The following LAMA1 variants were observed in gnomAD, a reference collection of about 807,000 sequenced individuals.
LAMA1 encodes the protein laminin subunit alpha 1.
Under a neutral mutation model 348.7 loss-of-function variants are expected in LAMA1, and 219 were observed. That is an observed-to-expected ratio of 0.63 (90% CI 0.56 to 0.70). LAMA1 has a LOEUF of 0.70. Among genes scored for constraint, LAMA1 ranks in the 30% least tolerant of loss-of-function variants. The pLI is 0.00. For synonymous variants in LAMA1, 1,487 were observed against 1,491.0 expected, an observed-to-expected ratio of 1.00 and a Z score of 0.06; for missense variants, 3,744 against 3,888.0, an observed-to-expected ratio of 0.96 and a Z score of 0.99.
chr18:6,964,532 G>T, intron 51 of LAMA1, 130 bp downstream of exon 51: 1 of 1,129,928 alleles, frequency 8.9e-7, no homozygotes, highest in Non-Finnish European at 1.3e-6. Flanking sequence ...TGGACTTGCA[G>T]CCTCTAGAAC....
At chr18:6,943,843 CAAAA>C (rs61710961) in intron 61 of LAMA1, among the ~76,000 whole-genome samples, 3 of 63,206 alleles carry the variant, frequency 4.7e-5, no homozygotes, top group Non-Finnish European at 9.3e-5. Flanking sequence ...AACTCCATCT[CAAAA>C]AAAAAAAAAA....
chr18:7,024,803 G>A (rs915432693), intron 17 of LAMA1, among the ~76,000 whole-genome samples: 1 of 152,166 alleles, frequency 6.6e-6, no homozygotes, highest in Admixed American at 6.5e-5. Flanking sequence ...CCTCCAGGAG[G>A]CCTGCTCGGG....
chr18:6,967,634 C>T (rs1409600008), intron 48 of LAMA1, among the ~76,000 whole-genome samples: 1 of 152,228 alleles, frequency 6.6e-6, no homozygotes, highest in Non-Finnish European at 1.5e-5. Flanking sequence ...GTTCGGAGGT[C>T]CTCGATGGGC....
intron 1 of LAMA1, among the ~76,000 whole-genome samples, chr18:7,096,606 G>A (rs2058262156): frequency 1.3e-5 from 2 of 151,936 alleles, no homozygotes; most frequent in Non-Finnish European, 2.9e-5. Flanking sequence ...AATGAGCCGT[G>A]ATCACACCAC....
chr18:7,057,951 C>T (rs556002398), intron 3 of LAMA1, among the ~76,000 whole-genome samples: 58 of 151,652 alleles, frequency 3.8e-4, no homozygotes, highest in African/African-American at 1.1e-3. Context: ...CTTGCCACCA[C>T]GTCCGGCCAA....
Position 7,038,835 on chromosome 18 carries a change from C to G in LAMA1, c.1538G>C (p.Ser513Thr), listed in dbSNP as rs778337672. ...CTGACCAACAGGCCAAGAGAGGCTG[C>G]TGCAGACATCAGAAACGCCAAAGCA... ...CFCFGVSDVC[S>T]SLSWPVGQVN... is the part of the protein sequence containing the mutation. The change falls in exon 11 of 63, where the codon AGC becomes ACC. Residue 513 changes from serine (S) to threonine (T), a missense_variant. Ser to Thr is a moderately conservative substitution (Grantham distance 58). This residue lies in a region of LAMA1 where 1,529 missense variants were observed against 1,689.4 expected (regional missense o/e 0.91). Coordinates refer to ENST00000389658, the MANE Select transcript of LAMA1 (RefSeq NM_005559.4). 4 of 1,614,212 alleles carry G rather than the reference C, an allele frequency of 2.5e-6. No homozygotes were observed. Among genetic ancestry groups the G allele is most frequent in the Non-Finnish European group, 3.4e-6 (4 of 1,180,042 alleles).
Position 7,077,603 on chromosome 18 carries a change from CAAGCATGACAAATTTCAAGACA to C in LAMA1, c.345+2350_345+2371del, listed in dbSNP as rs1355020996. Among the ~76,000 whole-genome samples, 57 of 152,204 alleles carry C rather than the reference CAAGCATGACAAATTTCAAGACA, an allele frequency of 3.7e-4. 1 individual carries two copies. The highest frequency in any genetic ancestry group is 1.3e-3 in the African/African-American group (53 of 41,528). On this transcript the variant is annotated intron_variant, in intron 3 of 62. Coordinates refer to ENST00000389658, the MANE Select transcript of LAMA1 (RefSeq NM_005559.4). ...TTAGTCCATCCCTTCAGGATGAAGT[CAAGCATGACAAATTTCAAGACA>C]AAGGATAGACTTACAGAGGTTTGAA...
intron 6 of LAMA1, among the ~76,000 whole-genome samples, 199 bp from the exon 7 acceptor site, chr18:7,045,038 G>C (rs547538716): frequency 4.6e-5 from 7 of 152,034 alleles, no homozygotes; most frequent in Non-Finnish European, 7.4e-5. Flanking sequence ...CAGAAATGAA[G>C]AGGAATAAAG....
intron 34 of LAMA1, among the ~76,000 whole-genome samples, chr18:6,994,074 C>A (rs1192924465): frequency 6.6e-6 from 1 of 152,110 alleles, no homozygotes; most frequent in Non-Finnish European, 1.5e-5. Context: ...ACTTTAAAAC[C>A]CAAATATACA....
intron 1 of LAMA1, among the ~76,000 whole-genome samples, chr18:7,087,212 T>C (rs1018775333): frequency 2.0e-5 from 3 of 152,222 alleles, no homozygotes; most frequent in African/African-American, 7.2e-5. Context: ...GGTTGAGGTA[T>C]TGCAGGTAAA....
At chr18:7,117,549 C>T in intron 1 of LAMA1, 111 bp downstream of exon 1, 1 of 1,159,588 alleles carries the variant, frequency 8.6e-7, no homozygotes, top group Non-Finnish European at 1.2e-6. Flanking sequence ...CGAGGTGGAT[C>T]AGGATGCGCG....
intron 3 of LAMA1, among the ~76,000 whole-genome samples, chr18:7,051,873 T>G (rs2058063410): frequency 6.6e-6 from 1 of 152,156 alleles, no homozygotes; most frequent in Non-Finnish European, 1.5e-5. Flanking sequence ...TGGCAGTTTC[T>G]TACAAAACTA....
intron 3 of LAMA1, chr18:7,076,938 C>T (rs1238949686): frequency 1.3e-5 from 2 of 151,976 alleles, no homozygotes; most frequent in African/African-American, 4.8e-5. Flanking sequence ...CTGTAATATG[C>T]TTTCTACATA....
intron 3 of LAMA1, among the ~76,000 whole-genome samples, chr18:7,075,613 A>G (rs1053105592): frequency 4.1e-5 from 6 of 147,034 alleles, no homozygotes; most frequent in Non-Finnish European, 1.5e-5. Context: ...ACAAGAGCGA[A>G]ACTCCGTCTC....
intron 60 of LAMA1, 92 bp from the exon 61 acceptor site, chr18:6,947,388 C>T: frequency 6.7e-7 from 1 of 1,481,746 alleles, no homozygotes; most frequent in South Asian, 1.2e-5. Flanking sequence ...GGGGACCTGG[C>T]TCTAGCTCCT....
At position 6,956,689 on chromosome 18, in the gene LAMA1, G is replaced by A. The variant is rs2057580337; in HGVS notation, c.8041C>T (p.Leu2681=). ...DTCWLSERPK[L]APDAEDSKLL... ...TTGCTGTCCTCTGCATCGGGAGCCA[G>A]CTTAGGCCTTTCTGACAGCCAGCAG... Residue 2681 remains leucine, a synonymous_variant, in exon 56 of 63, where the codon CTG becomes TTG. Coordinates refer to ENST00000389658, the MANE Select transcript of LAMA1 (RefSeq NM_005559.4). The A allele has an allele frequency of 6.2e-7, 1 of 1,614,104 alleles. No individual in the cohort carries two copies. The highest frequency in any genetic ancestry group is 8.5e-7 in the Non-Finnish European group (1 of 1,180,054).
At chr18:7,063,817 G>A (rs955121127) in intron 3 of LAMA1, among the ~76,000 whole-genome samples, 1 of 152,148 alleles carries the variant, frequency 6.6e-6, no homozygotes, top group Non-Finnish European at 1.5e-5. Context: ...CAAATTCATA[G>A]ACAAAAGCTG....
intron 3 of LAMA1, among the ~76,000 whole-genome samples, chr18:7,063,620 T>C (rs2058111227): frequency 6.6e-6 from 1 of 152,186 alleles, no homozygotes; most frequent in South Asian, 2.1e-4. Context: ...GATGGATGAA[T>C]GGCTAAACAA....
Position 7,009,237 on chromosome 18 carries a change from A to G in LAMA1, c.4001+2T>C. 1 of 1,614,146 alleles carries G rather than the reference A, an allele frequency of 6.2e-7. No homozygotes were observed. The highest frequency in any genetic ancestry group is 1.1e-5 in the South Asian group (1 of 91,082). ...GGTCAAAATTCTAGAAGCTCCAAGTACCTGCTCTGCTGTAATCCTTGACCA... is the reference window on the plus strand; with the variant it reads ...GGTCAAAATTCTAGAAGCTCCAAGTGCCTGCTCTGCTGTAATCCTTGACCA... On this transcript the variant is annotated splice_donor_variant, in intron 27 of 62. Transcript: ENST00000389658. LOFTEE classifies it high-confidence loss of function.
Sources: allele counts gnomAD v4.1 joint callset (sites outside exome capture counted in the v4.1 genomes callset), GRCh38; gene constraint gnomAD v4.1.1; regional missense constraint gnomAD v4.1.1; transcripts MANE v1.5; gene names NCBI Gene and HGNC (gene_info 2026-07-23, HGNC 2026-07-21).